Variants in EYS observed in about 807,000 individuals in gnomAD.
The protein encoded by EYS is protein eyes shut homolog.
EYS carries 250 observed loss-of-function variants against 282.1 expected under a neutral mutation model. The observed-to-expected ratio is 0.89, with a 90% CI of 0.80 to 0.98. The LOEUF is 0.98. EYS is among the 50% of genes least tolerant of loss of function. The pLI is 0.00. For synonymous variants in EYS, 1,355 were observed against 1,282.9 expected (o/e 1.06, Z -1.20); for missense variants, 4,016 against 3,709.0 (o/e 1.08, Z -2.15).
intron 24 of EYS, among the ~76,000 whole-genome samples, chr6:64,607,995 C>T (rs1766989269): frequency 6.6e-6 from 1 of 152,044 alleles, no homozygotes; most frequent in African/African-American, 2.4e-5. Context: ...AATAGTTAGG[C>T]TTCCTTCATA....
intron 14 of EYS, among the ~76,000 whole-genome samples, chr6:64,983,006 A>T (rs1490271216): frequency 6.6e-6 from 1 of 151,280 alleles, no homozygotes; most frequent in African/African-American, 2.4e-5. Flanking sequence ...GTCAAGCATA[A>T]ATCTATTAAA....
At chr6:63,921,050 A>T (rs1387612263) in intron 35 of EYS, among the ~76,000 whole-genome samples, 1 of 151,794 alleles carries the variant, frequency 6.6e-6, no homozygotes, top group African/African-American at 2.4e-5. Flanking sequence ...TGGCCACCAC[A>T]CCTGGCTAAT....
At chr6:64,319,740 T>C (rs1034819091) in intron 29 of EYS, among the ~76,000 whole-genome samples, 4 of 151,790 alleles carry the variant, frequency 2.6e-5, no homozygotes, top group African/African-American at 7.3e-5. Flanking sequence ...GACAGATAGA[T>C]AGACAGACAG....
chr6:65,471,573 A>G (rs1441541009), intron 5 of EYS, among the ~76,000 whole-genome samples: 1 of 152,206 alleles, frequency 6.6e-6, no homozygotes, highest in Non-Finnish European at 1.5e-5. Flanking sequence ...CTGCTTTGAC[A>G]TCATTGTAAT....
In EYS at chr6:64,126,892, G is replaced by A. The variant is rs1041327839; in HGVS notation, c.6425-44890C>T. Among the ~76,000 whole-genome samples the A allele has an allele frequency of 3.3e-5, 5 of 151,566 alleles. No homozygotes were observed. In the South Asian group the frequency reaches 6.3e-4, roughly 19 times the overall value. ...ATATATGTATGTATTCAAATATATAGGGTGTCTGATCTATTCCAGGTGCCT... is the reference window on the plus strand; with the variant it reads ...ATATATGTATGTATTCAAATATATAAGGTGTCTGATCTATTCCAGGTGCCT... On this transcript the variant is annotated intron_variant, in intron 31 of 42. Coordinates refer to ENST00000503581, the MANE Select transcript of EYS (RefSeq NM_001142800.2).
intron 11 of EYS, chr6:65,303,492 A>T: frequency 7.4e-7 from 1 of 1,352,106 alleles, no homozygotes; most frequent in Non-Finnish European, 1.1e-6. Context: ...ACACCAAAGA[A>T]AGCTCAAGTT....
Position 65,052,850 on chromosome 6 carries a change from C to A in EYS, c.2137+4764G>T, listed in dbSNP as rs796579665. 1.6e-4 allele frequency among the ~76,000 whole-genome samples: 24 copies of A among 151,786 alleles called. 1 individual carries two copies. The highest frequency in any genetic ancestry group is 4.6e-4 in the Admixed American group (7 of 15,192). On this transcript the variant is annotated intron_variant, in intron 13 of 42. Transcript: ENST00000503581. ...GGGAGCCAGATTAAATCAAAGCCAA[C>A]CACTTACGCCAGTGGATGAACACTT...
In EYS at chr6:65,364,626, C is replaced by G. The variant is rs550290928; in HGVS notation, c.1300-11009G>C. Reference sequence around the variant, plus strand: ...TATTTCAGATATTTCTTATATCTACCTTTTATATCAGGCATTTTAACGAGA... The same window carrying G: ...TATTTCAGATATTTCTTATATCTACGTTTTATATCAGGCATTTTAACGAGA... On this transcript the variant is annotated intron_variant, in intron 8 of 42. Coordinates refer to ENST00000503581, the MANE Select transcript of EYS (RefSeq NM_001142800.2). Among the ~76,000 whole-genome samples, 11 of 151,338 alleles carry G rather than the reference C, an allele frequency of 7.3e-5. No individual in the cohort carries two copies. In the South Asian group the frequency reaches 2.1e-3, roughly 29 times the overall value.
intron 29 of EYS, among the ~76,000 whole-genome samples, chr6:64,323,060 C>T (rs1215358003): frequency 6.6e-6 from 1 of 152,082 alleles, no homozygotes; most frequent in Non-Finnish European, 1.5e-5. Flanking sequence ...GTAAACTTCA[C>T]ATATCATATA....
chr6:65,307,959 T>C (rs914540568), intron 11 of EYS, among the ~76,000 whole-genome samples: 6 of 150,322 alleles, frequency 4.0e-5, no homozygotes, highest in African/African-American at 1.5e-4. Flanking sequence ...ATAAAGAGCC[T>C]TTTATTTTTA....
At chr6:65,505,409 A>T (rs1468528722) in intron 2 of EYS, among the ~76,000 whole-genome samples, 2 of 151,060 alleles carry the variant, frequency 1.3e-5, no homozygotes, top group African/African-American at 4.9e-5. Flanking sequence ...AATCTTACTG[A>T]GCTCTATTCT....
At chr6:64,945,220 CA>C (rs1365484810) in intron 15 of EYS, among the ~76,000 whole-genome samples, 2 of 149,584 alleles carry the variant, frequency 1.3e-5, no homozygotes, top group African/African-American at 4.9e-5. Context: ...ACTTATTCAA[CA>C]AGCAAAAAAC....
intron 37 of EYS, among the ~76,000 whole-genome samples, chr6:63,789,437 T>G (rs1770452837): frequency 6.6e-6 from 1 of 152,182 alleles, no homozygotes; most frequent in South Asian, 2.1e-4. Context: ...TTTGAAGCCA[T>G]GAGGGTTCTG....
chr6:65,561,115 A>G (rs781035662), intron 2 of EYS, among the ~76,000 whole-genome samples: 7 of 152,126 alleles, frequency 4.6e-5, no homozygotes, highest in South Asian at 2.1e-4. Context: ...CAGAGCATCA[A>G]TGTTATCTCC....
intron 30 of EYS, among the ~76,000 whole-genome samples, chr6:64,289,009 A>T (rs1175005654): frequency 6.6e-6 from 1 of 152,050 alleles, no homozygotes; most frequent in Non-Finnish European, 1.5e-5. Context: ...TTTTGGCTCC[A>T]CATCTACAAT....
intron 5 of EYS, among the ~76,000 whole-genome samples, chr6:65,422,435 A>T (rs1767499655): frequency 6.6e-6 from 1 of 152,006 alleles, no homozygotes; most frequent in African/African-American, 2.4e-5. Flanking sequence ...AATTGGATCC[A>T]CTTTAATACT....
chr6:65,151,308 G>C (rs148082638), intron 12 of EYS, among the ~76,000 whole-genome samples: 2 of 152,074 alleles, frequency 1.3e-5, no homozygotes, highest in Non-Finnish European at 2.9e-5. Flanking sequence ...AGGGCTTTTA[G>C]GGTCTTCATC....
chr6:64,558,782 T>G (rs1765311732), intron 26 of EYS, among the ~76,000 whole-genome samples: 1 of 152,186 alleles, frequency 6.6e-6, no homozygotes. Flanking sequence ...GAAAATTTGC[T>G]GTTAGTATGT....
intron 15 of EYS, among the ~76,000 whole-genome samples, chr6:64,936,838 T>A (rs981068387): frequency 2.0e-5 from 3 of 151,468 alleles, no homozygotes; most frequent in Non-Finnish European, 4.4e-5. Context: ...GATACTAAAA[T>A]TCATATGGAA....
Sources: allele counts gnomAD v4.1 joint callset (sites outside exome capture counted in the v4.1 genomes callset), GRCh38; gene constraint gnomAD v4.1.1; transcripts MANE v1.5; gene names NCBI Gene and HGNC (gene_info 2026-07-23, HGNC 2026-07-21).